USP46: variants seen among roughly 807,000 people sequenced by gnomAD.
USP46 encodes the protein ubiquitin specific peptidase 46.
A neutral mutation model predicts 44.4 loss-of-function variants in USP46; 12 were observed. That is an observed-to-expected ratio of 0.27 (90% CI 0.17 to 0.44). The LOEUF (loss-of-function observed/expected upper bound fraction) is 0.44, where lower values mean the gene tolerates loss of function less well. Among genes scored for constraint, USP46 ranks in the 20% least tolerant of loss-of-function variants. The pLI, the probability that USP46 is intolerant of heterozygous loss-of-function variation, is 1.00. For missense variants in USP46, 248 were observed against 444.8 expected (o/e 0.56, Z 3.98); for synonymous variants, 155 against 161.5 (o/e 0.96, Z 0.31).
intron 4 of USP46, among the ~76,000 whole-genome samples, chr4:52,621,218 G>A (rs938449812): frequency 3.3e-5 from 5 of 152,048 alleles, no homozygotes; most frequent in African/African-American, 9.6e-5. Context: ...GTAGAGAGAG[G>A]AAAAGTTCAA....
intron 1 of USP46, chr4:52,658,425 G>A (rs1719038822): frequency 2.8e-6 from 1 of 360,064 alleles, no homozygotes; most frequent in Non-Finnish European, 5.6e-6. Context: ...GATCAGGCAG[G>A]ATAACCCTGG....
rs1185646317 is a variant in USP46, at chr4:52,593,249, G to A, written c.*4391C>T. The A allele has an allele frequency of 3.9e-6, 1 of 257,316 alleles. No homozygotes were observed. Among genetic ancestry groups the A allele is most frequent in the African/African-American group, 2.2e-5 (1 of 45,478 alleles). The allele number at this position is 257,316 out of a possible 1,614,324, so 15.9% of individuals were successfully genotyped here. A position where few individuals can be genotyped will look rare whatever the true frequency, so the allele number is the denominator to read the frequency against. ...GTGTCACCTTGGTAGTGACAGGCCT[G>A]TCCTATAAATCCCAGGACAAAGTGA... On this transcript the variant is annotated 3_prime_UTR_variant, in exon 9 of 9. Coordinates refer to ENST00000441222, the MANE Select transcript of USP46 (RefSeq NM_022832.4).
rs966184466 is a variant in USP46, at chr4:52,659,005, G to T, written c.36+110C>A. The stretch of plus-strand genomic sequence containing the variant: ...GGGGCCGGGAACTTCTGGCGGCGCG[G>T]ACCCCGCCGCCCCCGCCGCCCCAGC... On this transcript the variant is annotated intron_variant, in intron 1 of 8. Coordinates refer to ENST00000441222, the MANE Select transcript of USP46 (RefSeq NM_022832.4). This position sits in a 1 kb window ranked among gnomAD's most constrained non-coding sequence, Gnocchi z 4.2. The T allele has an allele frequency of 1.5e-6, 2 of 1,356,118 alleles. No homozygotes were observed. Among genetic ancestry groups the T allele is most frequent in the African/African-American group, 3.1e-5 (2 of 64,888 alleles). 84.0% of individuals were successfully genotyped at this position (1,356,118 alleles called of 1,614,324 possible). A position where few individuals can be genotyped will look rare whatever the true frequency, so the allele number is the denominator to read the frequency against.
intron 4 of USP46, among the ~76,000 whole-genome samples, chr4:52,622,131 T>C (rs140054996): frequency 4.7e-4 from 72 of 152,250 alleles, no homozygotes; most frequent in African/African-American, 1.6e-3. Flanking sequence ...ACACACAAAA[T>C]GGAAGACAGT....
intron 4 of USP46, among the ~76,000 whole-genome samples, chr4:52,624,652 A>T (rs1296375662): frequency 6.6e-6 from 1 of 152,154 alleles, no homozygotes; most frequent in African/African-American, 2.4e-5. Context: ...CTCGCAATGG[A>T]CTGAATGTCT....
Position 52,659,209 on chromosome 4 carries a change from C to T in USP46, c.-59G>A, listed in dbSNP as rs1577706856. 1.4e-6 allele frequency: 2 copies of T among 1,471,688 alleles called. No homozygotes were observed. The highest frequency in any genetic ancestry group is 2.9e-5 in the East Asian group (1 of 34,500). The allele number at this position is 1,471,688 out of a possible 1,614,324, so 91.2% of individuals were successfully genotyped here. ...TCTTTACAAGGGGAAACCGGGACTG[C>T]CCATGGTGGCGCGCTGGCGGGGAGG... On this transcript the variant is annotated 5_prime_UTR_variant, in exon 1 of 9. Transcript: ENST00000441222. This position sits in a 1 kb window ranked among gnomAD's most constrained non-coding sequence, Gnocchi z 4.2.
chr4:52,605,176 G>C (rs1716639280), intron 5 of USP46, among the ~76,000 whole-genome samples: 1 of 152,140 alleles, frequency 6.6e-6, no homozygotes. Flanking sequence ...GAATTAATCA[G>C]ATGACCACCT....
At position 52,626,644 on chromosome 4, in the gene USP46, A is replaced by G. The variant is rs199511582; in HGVS notation, c.332-397T>C. On this transcript the variant is annotated intron_variant, in intron 3 of 8. Coordinates refer to ENST00000441222, the MANE Select transcript of USP46 (RefSeq NM_022832.4). ...GGCCCATACTTCAACTTTTATATTGAAAGGATGGACAGGTATGGAATATAA... is the reference window on the plus strand; with the variant it reads ...GGCCCATACTTCAACTTTTATATTGGAAGGATGGACAGGTATGGAATATAA... 8.5e-5 allele frequency among the ~76,000 whole-genome samples: 13 copies of G among 152,256 alleles called. No homozygotes were observed. The East Asian group carries it at 2.5e-3, about 29-fold the overall frequency.
chr4:52,653,495 CAAAAA>C (rs397880678), intron 1 of USP46, among the ~76,000 whole-genome samples: 9 of 53,018 alleles, frequency 1.7e-4, no homozygotes, highest in East Asian at 6.0e-4. Context: ...AACTCTATCT[CAAAAA>C]AAAAAAAAAA....
rs565982501 is a variant in USP46, at chr4:52,622,640, C to A, written c.561+3378G>T. 1.2e-4 allele frequency among the ~76,000 whole-genome samples: 19 copies of A among 152,268 alleles called. No homozygotes were observed. In the South Asian group the frequency reaches 2.5e-3, roughly 20 times the overall value. On this transcript the variant is annotated intron_variant, in intron 4 of 8. Transcript: ENST00000441222. The stretch of plus-strand genomic sequence containing the variant: ...AAAGATAGATGCTGCATACGAAATA[C>A]ATATAGATAAATATATAAATACAAC...
rs184219832 is a variant in USP46, at chr4:52,599,935, C to A, written c.921-1229G>T. 8.5e-4 allele frequency among the ~76,000 whole-genome samples: 129 copies of A among 152,276 alleles called. 1 individual carries two copies. The highest frequency in any genetic ancestry group is 3.0e-3 in the African/African-American group (124 of 41,558). On this transcript the variant is annotated intron_variant, in intron 7 of 8. Coordinates refer to ENST00000441222, the MANE Select transcript of USP46 (RefSeq NM_022832.4). ...AAACTCTGCCAGAGATAATCCTCCC[C>A]CAACTGCATTCTATTTAGCCCTGTG...
At chr4:52,625,867 G>C in intron 4 of USP46, 151 bp downstream of exon 4, 1 of 808,830 alleles carries the variant, frequency 1.2e-6, no homozygotes, top group East Asian at 2.7e-5. Flanking sequence ...GCTTCCAAAA[G>C]TTTGTACTTG....
chr4:52,616,908 T>C (rs539293981), intron 4 of USP46, among the ~76,000 whole-genome samples: 2 of 152,152 alleles, frequency 1.3e-5, no homozygotes, highest in Non-Finnish European at 2.9e-5. Flanking sequence ...CAGGAGAAAT[T>C]AGAAAATATT....
chr4:52,656,508 T>A, intron 1 of USP46: 2 of 1,431,694 alleles, frequency 1.4e-6, no homozygotes, highest in Non-Finnish European at 1.8e-6. Context: ...ACATGGGAGG[T>A]GTTTATATTA....
At chr4:52,647,841 C>T (rs182114816) in intron 1 of USP46, among the ~76,000 whole-genome samples, 3 of 152,300 alleles carry the variant, frequency 2.0e-5, no homozygotes, top group Admixed American at 1.3e-4. Context: ...GCCTCAGTGA[C>T]CTGCCCAACA....
intron 1 of USP46, among the ~76,000 whole-genome samples, chr4:52,656,900 C>T (rs977491343): frequency 3.3e-5 from 5 of 151,756 alleles, no homozygotes; most frequent in African/African-American, 1.2e-4. Flanking sequence ...ATTAGCCAGG[C>T]ATGGTGGCAC....
chr4:52,645,886 T>C (rs1560412086), intron 1 of USP46, among the ~76,000 whole-genome samples: 1 of 152,138 alleles, frequency 6.6e-6, no homozygotes, highest in Non-Finnish European at 1.5e-5. Flanking sequence ...GATCGGGTTG[T>C]TTGAAAGTGT....
Position 52,628,107 on chromosome 4 carries a change from T to C in USP46, c.174A>G (p.Pro58=), listed in dbSNP as rs755003407. The change falls in exon 3 of 9, where the codon CCA becomes CCG. Residue 58 remains proline (P), a synonymous_variant. Transcript: ENST00000441222. ...SVLQALYFCR[P]FRENVLAYKA... ...TGTATGCCAACACATTCTCCCGGAA[T>C]GGACGGCAGAAGTACAATGCCTGAA... The C allele has an allele frequency of 1.2e-6, 2 of 1,614,002 alleles. No individual in the cohort carries two copies. The highest frequency in any genetic ancestry group is 1.7e-6 in the Non-Finnish European group (2 of 1,179,884).
chr4:52,603,632 G>A (rs1716563152), intron 6 of USP46, among the ~76,000 whole-genome samples: 1 of 152,146 alleles, frequency 6.6e-6, no homozygotes, highest in Non-Finnish European at 1.5e-5. Context: ...TAACTGTCTA[G>A]TGTGCAGGAA....
Sources: allele counts gnomAD v4.1 joint callset (sites outside exome capture counted in the v4.1 genomes callset), GRCh38; gene constraint gnomAD v4.1.1; non-coding constraint Gnocchi (gnomAD v3.1); transcripts MANE v1.5; gene names NCBI Gene and HGNC (gene_info 2026-07-23, HGNC 2026-07-21).